Variants in GRID2 observed in about 807,000 individuals in gnomAD.
The protein encoded by GRID2 is glutamate ionotropic receptor delta type subunit 2.
Under a neutral mutation model 114.8 loss-of-function variants are expected in GRID2, and 33 were observed. The observed-to-expected ratio is 0.29, with a 90% CI of 0.22 to 0.38. GRID2 has a LOEUF of 0.38. GRID2 is among the 10% of genes least tolerant of loss of function. GRID2 has a pLI of 1.00. For synonymous variants in GRID2, 505 were observed against 449.9 expected, an observed-to-expected ratio of 1.12 and a Z score of -1.55; for missense variants, 1,184 against 1,257.7, an observed-to-expected ratio of 0.94 and a Z score of 0.89.
At chr4:92,483,649 A>C (rs745562806) in intron 1 of GRID2, among the ~76,000 whole-genome samples, 2 of 152,172 alleles carry the variant, frequency 1.3e-5, no homozygotes, top group African/African-American at 2.4e-5. Context: ...GCTGGGTCAG[A>C]TGTCTGGAGA....
At chr4:92,470,727 G>A (rs910100024) in intron 1 of GRID2, among the ~76,000 whole-genome samples, 2 of 151,970 alleles carry the variant, frequency 1.3e-5, no homozygotes, top group Non-Finnish European at 2.9e-5. Context: ...TTTCAATAAT[G>A]GCCAAAGACA....
rs530353157 is a variant in GRID2, at chr4:92,917,366, T to G, written c.245-167629T>G. Among the ~76,000 whole-genome samples, 223 of 152,308 alleles carry G rather than the reference T, an allele frequency of 1.5e-3. 1 individual carries two copies. The highest frequency in any genetic ancestry group is 4.7e-3 in the African/African-American group (197 of 41,564). On this transcript the variant is annotated intron_variant, in intron 2 of 15. Coordinates refer to ENST00000282020, the MANE Select transcript of GRID2 (RefSeq NM_001510.4). ...CTGTGCAGAAGCCCTTTAGTTTAAT[T>G]AGATCCCATTTGTCAATTTTGGCTT...
chr4:92,902,761 C>T (rs1747673540), intron 2 of GRID2, among the ~76,000 whole-genome samples: 1 of 151,932 alleles, frequency 6.6e-6, no homozygotes, highest in Non-Finnish European at 1.5e-5. Context: ...ATTCTCCCAA[C>T]ATATGTTTTT....
chr4:93,725,248 C>T (rs1156377813), intron 14 of GRID2, among the ~76,000 whole-genome samples: 1 of 152,030 alleles, frequency 6.6e-6, no homozygotes, highest in African/African-American at 2.4e-5. Context: ...GTTTTCTGTC[C>T]TTGCGATAGT....
intron 2 of GRID2, among the ~76,000 whole-genome samples, chr4:92,908,514 A>G (rs1748125094): frequency 6.7e-6 from 1 of 149,940 alleles, no homozygotes; most frequent in South Asian, 2.1e-4. Flanking sequence ...GTGAGTCGAC[A>G]TCGTGCCACT....
At chr4:92,646,318 A>G (rs1322327695) in intron 2 of GRID2, among the ~76,000 whole-genome samples, 1 of 152,186 alleles carries the variant, frequency 6.6e-6, no homozygotes, top group African/African-American at 2.4e-5. Context: ...ATTTGTGGGT[A>G]TTTTCAAAAC....
At chr4:93,765,348 G>T (rs1406658795) in intron 14 of GRID2, among the ~76,000 whole-genome samples, 1 of 151,974 alleles carries the variant, frequency 6.6e-6, no homozygotes, top group Non-Finnish European at 1.5e-5. Context: ...GGGTCAGATG[G>T]TCCAATTTCT....
At chr4:93,020,521 T>G (rs1723179207) in intron 2 of GRID2, among the ~76,000 whole-genome samples, 1 of 152,142 alleles carries the variant, frequency 6.6e-6, no homozygotes, top group African/African-American at 2.4e-5. Context: ...TAAAAAAACA[T>G]AGTTTTGCAT....
At chr4:92,682,705 C>T (rs572292413) in intron 2 of GRID2, among the ~76,000 whole-genome samples, 1 of 151,248 alleles carries the variant, frequency 6.6e-6, no homozygotes, top group African/African-American at 2.5e-5. Flanking sequence ...CACACACACA[C>T]ACACACACAC....
chr4:92,941,515 A>T (rs1288772653), intron 2 of GRID2, among the ~76,000 whole-genome samples: 1 of 152,166 alleles, frequency 6.6e-6, no homozygotes, highest in African/African-American at 2.4e-5. Flanking sequence ...TTTTCAAAAA[A>T]CCAGCTCCTG....
chr4:92,674,733 G>C (rs1733255731), intron 2 of GRID2, among the ~76,000 whole-genome samples: 1 of 152,058 alleles, frequency 6.6e-6, no homozygotes, highest in Non-Finnish European at 1.5e-5. Flanking sequence ...ATCTTGGCCA[G>C]GCTGGTCTTG....
chr4:93,316,253 AAAAG>A (rs1379379699), intron 8 of GRID2, among the ~76,000 whole-genome samples: 4 of 150,876 alleles, frequency 2.7e-5, no homozygotes, highest in South Asian at 4.2e-4. Context: ...GGCAAGAAAA[AAAAG>A]AAAGAAAGAG....
intron 2 of GRID2, among the ~76,000 whole-genome samples, chr4:92,929,935 CATA>C (rs1162023753): frequency 6.6e-6 from 1 of 151,138 alleles, no homozygotes. Context: ...TGTACAAAAT[CATA>C]ATATCTTAGG....
At chr4:92,536,256 G>C (rs1725625786) in intron 1 of GRID2, among the ~76,000 whole-genome samples, 1 of 152,050 alleles carries the variant, frequency 6.6e-6, no homozygotes, top group African/African-American at 2.4e-5. Context: ...AGACAGAAAA[G>C]TTCTCCAAGT....
intron 1 of GRID2, among the ~76,000 whole-genome samples, chr4:92,316,953 T>C (rs941293477): frequency 2.0e-5 from 3 of 152,190 alleles, no homozygotes; most frequent in Admixed American, 2.0e-4. Context: ...ATTATTTTAA[T>C]TCTTTTATTT....
At chr4:92,498,684 T>G (rs931872256) in intron 1 of GRID2, among the ~76,000 whole-genome samples, 1 of 151,800 alleles carries the variant, frequency 6.6e-6, no homozygotes, top group Non-Finnish European at 1.5e-5. Flanking sequence ...GTCTATCAGG[T>G]GCAAACTTAA....
At chr4:93,490,064 C>T (rs968928601) in intron 11 of GRID2, among the ~76,000 whole-genome samples, 2 of 151,834 alleles carry the variant, frequency 1.3e-5, no homozygotes, top group African/African-American at 4.8e-5. Flanking sequence ...AGCCCAAGAA[C>T]ACTCCAACAT....
chr4:92,847,934 A>G (rs1258983406), intron 2 of GRID2, among the ~76,000 whole-genome samples: 1 of 152,048 alleles, frequency 6.6e-6, no homozygotes, highest in Non-Finnish European at 1.5e-5. Context: ...GTGTATATGT[A>G]TATAATAGAT....
chr4:92,946,004 G>A (rs1751598827), intron 2 of GRID2, among the ~76,000 whole-genome samples: 1 of 152,046 alleles, frequency 6.6e-6, no homozygotes. Context: ...GTCTGCTAAT[G>A]ACTACCAATT....
Sources: allele counts gnomAD v4.1 joint callset (sites outside exome capture counted in the v4.1 genomes callset), GRCh38; gene constraint gnomAD v4.1.1; transcripts MANE v1.5; gene names NCBI Gene and HGNC (gene_info 2026-07-23, HGNC 2026-07-21).